AGBL1: variants seen among roughly 807,000 people sequenced by gnomAD.
AGBL1 encodes the protein cytosolic carboxypeptidase 4.
A neutral mutation model predicts 118.9 loss-of-function variants in AGBL1; 130 were observed. That is an observed-to-expected ratio of 1.09 (90% CI 0.95 to 1.26). The LOEUF is 1.26. Ranked by LOEUF, AGBL1 falls within the 50% of genes most tolerant of loss-of-function variation. The pLI is 0.00. For synonymous variants in AGBL1, 555 were observed against 478.9 expected (o/e 1.16, Z -2.08); for missense variants, 1,584 against 1,298.1 (o/e 1.22, Z -3.38).
intron 22 of AGBL1, among the ~76,000 whole-genome samples, chr15:86,833,285 A>G (rs986077680): frequency 6.6e-6 from 1 of 151,906 alleles, no homozygotes; most frequent in African/African-American, 2.4e-5. Flanking sequence ...TGTACTTAAT[A>G]TGGTTTGGCT....
At chr15:86,763,750 A>T (rs773529200) in intron 22 of AGBL1, among the ~76,000 whole-genome samples, 7 of 152,034 alleles carry the variant, frequency 4.6e-5, no homozygotes, top group Non-Finnish European at 1.0e-4. Context: ...ACAAGTTACA[A>T]TTGGTTTCTT....
At chr15:86,797,257 T>G (rs1484939965) in intron 22 of AGBL1, among the ~76,000 whole-genome samples, 1 of 152,234 alleles carries the variant, frequency 6.6e-6, no homozygotes, top group Non-Finnish European at 1.5e-5. Flanking sequence ...AACTGACATT[T>G]TGTGGGTATG....
chr15:87,003,282 C>A (rs984294182), intron 24 of AGBL1, among the ~76,000 whole-genome samples: 9 of 151,834 alleles, frequency 5.9e-5, no homozygotes, highest in South Asian at 2.1e-4. Context: ...GATTATGTTT[C>A]TTGATTTGCG....
chr15:86,612,906 C>G (rs1262502007), intron 21 of AGBL1, among the ~76,000 whole-genome samples: 2 of 152,204 alleles, frequency 1.3e-5, no homozygotes, highest in Admixed American at 1.3e-4. Context: ...TCAATTCTTT[C>G]GACCAATTGA....
chr15:86,969,882 G>A (rs1182120164), intron 23 of AGBL1, among the ~76,000 whole-genome samples: 1 of 151,896 alleles, frequency 6.6e-6, no homozygotes, highest in Non-Finnish European at 1.5e-5. Flanking sequence ...AATGTGGGAA[G>A]AACACAGTTG....
chr15:86,202,670 A>C (rs2077926577), intron 5 of AGBL1, among the ~76,000 whole-genome samples: 1 of 152,172 alleles, frequency 6.6e-6, no homozygotes, highest in Admixed American at 6.5e-5. Context: ...AAAATACCAA[A>C]GTTTCAATAT....
At chr15:86,238,913 C>G (rs972277188) in intron 6 of AGBL1, among the ~76,000 whole-genome samples, 2 of 152,184 alleles carry the variant, frequency 1.3e-5, no homozygotes, top group African/African-American at 4.8e-5. Flanking sequence ...CTTGGCCTCC[C>G]AAAGTGCTGG....
chr15:86,129,171 T>C (rs984688554), intron 1 of AGBL1, among the ~76,000 whole-genome samples: 4 of 152,198 alleles, frequency 2.6e-5, no homozygotes, highest in African/African-American at 9.6e-5. Context: ...ACACCCTCAA[T>C]TTAATTCCTG....
chr15:86,194,411 G>A (rs941813307), intron 5 of AGBL1, among the ~76,000 whole-genome samples: 3 of 152,280 alleles, frequency 2.0e-5, no homozygotes, highest in East Asian at 1.9e-4. Flanking sequence ...TTTCTCCCAT[G>A]TCTGTTCTTT....
chr15:86,941,615 T>C (rs938829630), intron 23 of AGBL1, among the ~76,000 whole-genome samples: 3 of 152,142 alleles, frequency 2.0e-5, no homozygotes, highest in Non-Finnish European at 4.4e-5. Flanking sequence ...AGAGAAGCCA[T>C]CCTGGCAGAT....
chr15:86,649,990 T>C (rs188951491), intron 21 of AGBL1, among the ~76,000 whole-genome samples: 65 of 152,272 alleles, frequency 4.3e-4, no homozygotes, highest in African/African-American at 1.4e-3. Context: ...AAGCATTAAG[T>C]CATAGGACCA....
intron 18 of AGBL1, among the ~76,000 whole-genome samples, chr15:86,397,846 G>C (rs1254404640): frequency 3.9e-5 from 6 of 152,034 alleles, no homozygotes; most frequent in Non-Finnish European, 7.4e-5. Context: ...TAAAAAATAG[G>C]AAGCTATAGA....
chr15:87,013,980 C>CA (rs1295674462), intron 24 of AGBL1, among the ~76,000 whole-genome samples: 2 of 152,012 alleles, frequency 1.3e-5, no homozygotes, highest in Admixed American at 1.3e-4. Flanking sequence ...CTCTAAAAAG[C>CA]AAAATAGAGT....
At chr15:86,174,999 T>C (rs76639404) in intron 5 of AGBL1, among the ~76,000 whole-genome samples, 4,829 of 152,202 alleles carry the variant, frequency 0.032, 283 homozygotes, top group African/African-American at 0.11. Flanking sequence ...GTTTCAGTAT[T>C]AGGGTAATGC....
At chr15:86,720,145 A>G (rs1331545177) in intron 22 of AGBL1, among the ~76,000 whole-genome samples, 1 of 152,184 alleles carries the variant, frequency 6.6e-6, no homozygotes. Flanking sequence ...AGAGCCCCAT[A>G]CTTACATGGG....
At chr15:86,749,848 C>T (rs1003497289) in intron 22 of AGBL1, among the ~76,000 whole-genome samples, 6 of 152,156 alleles carry the variant, frequency 3.9e-5, no homozygotes, top group African/African-American at 1.4e-4. Context: ...CCTTGCATCC[C>T]AGGGATGAAG....
At chr15:86,227,283 C>T (rs773779193) in intron 6 of AGBL1, among the ~76,000 whole-genome samples, 16 of 152,246 alleles carry the variant, frequency 1.1e-4, no homozygotes, top group African/African-American at 1.9e-4. Flanking sequence ...GATGTATAGC[C>T]TATTTGCTAA....
chr15:86,757,812 C>T (rs1019357514), intron 22 of AGBL1, among the ~76,000 whole-genome samples: 3 of 152,200 alleles, frequency 2.0e-5, no homozygotes, highest in Admixed American at 1.3e-4. Flanking sequence ...ACTATGAGTG[C>T]TCCTGCCGTG....
At position 86,398,140 on chromosome 15, in the gene AGBL1, T is replaced by C. The variant is rs149065531; in HGVS notation, c.2555+594T>C. Reference sequence around the variant, plus strand: ...TAAAATGTCAGCTGAAAAACAGAAGTTGAGGTTGTTCTTCTCTTTACCTAG... The same window carrying C: ...TAAAATGTCAGCTGAAAAACAGAAGCTGAGGTTGTTCTTCTCTTTACCTAG... On this transcript the variant is annotated intron_variant, in intron 18 of 22. Transcript: ENST00000614907. Among the ~76,000 whole-genome samples the C allele has an allele frequency of 1.5e-3, 228 of 152,224 alleles. 5 individuals are homozygous for C. In the East Asian group the frequency reaches 0.034, roughly 23 times the overall value.
Sources: allele counts gnomAD v4.1 joint callset (sites outside exome capture counted in the v4.1 genomes callset), GRCh38; gene constraint gnomAD v4.1.1; transcripts MANE v1.5; gene names NCBI Gene and HGNC (gene_info 2026-07-23, HGNC 2026-07-21).